MFSD8: variants seen among roughly 807,000 people sequenced by gnomAD.
MFSD8 encodes the protein major facilitator superfamily domain containing 8.
In MFSD8, 55 loss-of-function variants were observed where a neutral mutation model predicts 66.4. The observed-to-expected ratio is 0.83, with a 90% CI of 0.67 to 1.04. The LOEUF is 1.04. MFSD8 is among the 50% of genes least tolerant of loss of function. MFSD8 has a pLI of 0.00. For synonymous variants in MFSD8, 202 were observed against 212.8 expected (o/e 0.95, Z 0.44); for missense variants, 550 against 627.6 (o/e 0.88, Z 1.32).
intron 2 of MFSD8, among the ~76,000 whole-genome samples, chr4:127,952,312 G>A (rs1560768298): frequency 6.6e-6 from 1 of 151,958 alleles, no homozygotes; most frequent in Non-Finnish European, 1.5e-5. Flanking sequence ...GTTGAGGCAG[G>A]AGAATGGCGA....
intron 3 of MFSD8, 34 bp downstream of exon 3, chr4:127,949,770 G>A (rs1387188734): frequency 6.3e-7 from 1 of 1,584,818 alleles, no homozygotes; most frequent in South Asian, 1.1e-5. Context: ...TACTACTGTA[G>A]CTATAAGGGA....
intron 8 of MFSD8, among the ~76,000 whole-genome samples, chr4:127,931,820 A>G (rs1455976586): frequency 6.6e-6 from 1 of 152,136 alleles, no homozygotes; most frequent in Non-Finnish European, 1.5e-5. Flanking sequence ...AATAGCTAAC[A>G]TGATAGTGCC....
chr4:127,961,061 G>A (rs1168468009), intron 1 of MFSD8, among the ~76,000 whole-genome samples: 1 of 152,110 alleles, frequency 6.6e-6, no homozygotes, highest in Non-Finnish European at 1.5e-5. Context: ...GCTCCATAGA[G>A]GGGGTCAGTG....
chr4:127,938,951 G>A, intron 6 of MFSD8, 113 bp from the exon 7 acceptor site: 6 of 730,566 alleles, frequency 8.2e-6, no homozygotes, highest in East Asian at 2.8e-5. Context: ...TTCTTTTATT[G>A]GTTTTTCAGT....
intron 5 of MFSD8, among the ~76,000 whole-genome samples, chr4:127,940,455 C>G (rs558139632): frequency 6.7e-6 from 1 of 149,250 alleles, no homozygotes; most frequent in East Asian, 2.0e-4. Flanking sequence ...TAATCAGCTT[C>G]ATTATAAGAA....
In MFSD8 at chr4:127,939,915, T is replaced by C; in HGVS notation, c.636A>G (p.Thr212=). The C allele has an allele frequency of 1.2e-6, 2 of 1,613,556 alleles. No homozygotes were observed. The highest frequency in any genetic ancestry group is 1.7e-6 in the Non-Finnish European group (2 of 1,179,638). Residue 212 remains threonine (T), a synonymous_variant, in exon 6 of 12, where the codon ACA becomes ACG. Transcript: ENST00000641686. ...CCAGGAAGGCGCTAAGTAAAACTGG[T>C]GTTGTATACATGTTTATCTGCAGTT... ...VIKLQINMYT[T]PVLLSAFLGI...
Position 127,943,948 on chromosome 4 carries a change from A to C in MFSD8, c.243T>G (p.Ala81=). The change falls in exon 4 of 12, where the codon GCT becomes GCG. Residue 81 remains alanine, a synonymous_variant. Coordinates refer to ENST00000641686, the MANE Select transcript of MFSD8 (RefSeq NM_001371596.2). ...ADTSFLGWVI[A]SYSLGQMVAS... is the part of the protein sequence containing the mutation. ...CTACCATTTGGCCAAGACTATATGA[A>C]GCAATAACCCAGCCCAAAAAACTTG... 1.2e-6 allele frequency: 2 copies of C among 1,614,204 alleles called. No homozygotes were observed. The highest frequency in any genetic ancestry group is 1.7e-6 in the Non-Finnish European group (2 of 1,180,038).
At chr4:127,945,239 G>A (rs1740842011) in intron 3 of MFSD8, 1 of 152,080 alleles carries the variant, frequency 6.6e-6, no homozygotes, top group Admixed American at 6.6e-5. Flanking sequence ...AACAAATATA[G>A]ATAAGTGGTA....
intron 1 of MFSD8, among the ~76,000 whole-genome samples, chr4:127,961,909 G>C (rs1217693405): frequency 6.6e-6 from 1 of 151,152 alleles, no homozygotes; most frequent in African/African-American, 2.4e-5. Context: ...CACTTAACTA[G>C]TAGGAAAGAC....
chr4:127,928,238 T>C (rs1224762023), intron 9 of MFSD8, among the ~76,000 whole-genome samples: 1 of 152,094 alleles, frequency 6.6e-6, no homozygotes, highest in African/African-American at 2.4e-5. Context: ...AAAATTTTTT[T>C]GTTTTAGTAG....
chr4:127,942,047 G>C lies in MFSD8; in HGVS notation c.551C>G (p.Pro184Arg). 6.2e-7 allele frequency: 1 copy of C among 1,611,532 alleles called. No homozygotes were observed. Among genetic ancestry groups the C allele is most frequent in the South Asian group, 1.1e-5 (1 of 91,008 alleles). The change falls in exon 5 of 12, where the codon CCA becomes CGA. Residue 184 changes from proline (P) to arginine (R), a missense_variant and splice_region_variant. Transcript: ENST00000641686. ...AATGACATGTGAAGAACACCTACCTGGACCTAGAATAAAACCTAATGCTTG... is the reference window on the plus strand; with the variant it reads ...AATGACATGTGAAGAACACCTACCTCGACCTAGAATAAAACCTAATGCTTG... ...MCQALGFILG[P>R]VFQTCFTFLG...
intron 3 of MFSD8, among the ~76,000 whole-genome samples, chr4:127,945,136 A>G (rs1430482265): frequency 1.3e-5 from 2 of 152,240 alleles, no homozygotes; most frequent in Non-Finnish European, 2.9e-5. Context: ...TACCTGTGAA[A>G]AGCCACTGCA....
intron 9 of MFSD8, among the ~76,000 whole-genome samples, chr4:127,930,473 A>G (rs1737939567): frequency 6.6e-6 from 1 of 152,224 alleles, no homozygotes; most frequent in Non-Finnish European, 1.5e-5. Context: ...CAAAAGATAA[A>G]TAAGAGTCAA....
intron 7 of MFSD8, chr4:127,934,613 C>T (rs1560738714): frequency 7.1e-6 from 1 of 140,492 alleles, no homozygotes; most frequent in Non-Finnish European, 1.5e-5. Context: ...CGGAGTCTTG[C>T]TCTGTTGCCA....
rs915587201 is a variant in MFSD8 at position 127,941,964 on chromosome 4, A to G, written c.553+81T>C. 3.0e-5 allele frequency: 34 copies of G among 1,118,508 alleles called. No homozygotes were observed. In the African/African-American group the frequency reaches 3.1e-4, roughly 10 times the overall value. The allele number at this position is 1,118,508 out of a possible 1,614,324, so 69.3% of individuals were successfully genotyped here. On this transcript the variant is annotated intron_variant, in intron 5 of 11. Transcript: ENST00000641686. ...CCTTTCCCTTCAGCTATGAGTTTTT[A>G]TACTTGGGTTACACTGAATATTTAA...
At chr4:127,957,445 A>G in intron 2 of MFSD8, 56 bp downstream of exon 2, 1 of 1,174,852 alleles carries the variant, frequency 8.5e-7, no homozygotes, top group Non-Finnish European at 1.3e-6. Context: ...AAGTAAATGA[A>G]GTTAAAATAT....
rs773799172 is a variant in MFSD8, at chr4:127,965,127, C to T, written c.7G>A (p.Gly3Ser). 38 of 1,613,980 alleles carry T rather than the reference C, an allele frequency of 2.4e-5. No homozygotes were observed. The East Asian group carries it at 8.0e-4, about 34-fold the overall frequency. Residue 3 changes from glycine (G) to serine (S), a missense_variant, in exon 1 of 12, where the codon GGC becomes AGC. Physicochemically the swap from Gly to Ser is moderately conservative, Grantham distance 56 (BLOSUM62 0). Transcript: ENST00000641686. ...TCCTGTTCACTTTCGTTCCGCAGGC[C>T]GGCCATAGTTACACTCCCTACAAGG... MA[G>S]LRNESEQEPL...
chr4:127,921,377 AGTT>A (rs1235282941), intron 11 of MFSD8, 144 bp downstream of exon 11: 1 of 1,301,532 alleles, frequency 7.7e-7, no homozygotes, highest in Admixed American at 2.1e-5. Flanking sequence ...ACTTTATAGA[AGTT>A]GTGGGATTTT....
At chr4:127,957,458 C>T (rs753523354) in intron 2 of MFSD8, 43 bp downstream of exon 2, 8 of 1,290,302 alleles carry the variant, frequency 6.2e-6, no homozygotes, top group Non-Finnish European at 9.0e-6. Context: ...TAAAATATGA[C>T]ATCTGATCTG....
Sources: gnomAD v4.1 joint callset for allele counts (sites outside exome capture counted in the v4.1 genomes callset) on GRCh38, gnomAD v4.1.1 for gene constraint, MANE v1.5 for transcripts, NCBI Gene and HGNC (gene_info 2026-07-23, HGNC 2026-07-21) for gene names.